AZIN2: variants seen among roughly 807,000 people sequenced by gnomAD.
The protein encoded by AZIN2 is antizyme inhibitor 2, also known as ODC antizyme inhibitor-2.
Under a neutral mutation model 47.8 loss-of-function variants are expected in AZIN2, and 28 were observed. The ratio of observed to expected loss-of-function variants is 0.59; its 90% CI spans 0.43 to 0.80. AZIN2 has a LOEUF of 0.80. AZIN2 is among the 30% of genes least tolerant of loss of function. The pLI is 0.00. For missense variants in AZIN2, 535 were observed against 582.5 expected (o/e 0.92, Z 0.84); for synonymous variants, 221 against 239.4 (o/e 0.92, Z 0.71).
At chr1:33,137,301 C>G in the AZIN2 span, among the ~76,000 whole-genome samples, 1 of 152,178 alleles carries the variant, frequency 6.6e-6, no homozygotes, top group Non-Finnish European at 1.5e-5. Flanking sequence ...TCTTAACTCT[C>G]TGGACCTTGT....
the AZIN2 span, chr1:33,147,692 G>A: frequency 3.7e-6 from 6 of 1,613,344 alleles, no homozygotes; most frequent in Non-Finnish European, 5.1e-6. The surrounding 1 kb of genome is among the most constrained non-coding windows in gnomAD (Gnocchi z 8.1). Flanking sequence ...AGGCGCTGGT[G>A]GGCTGTGCCC....
At chr1:33,112,983 A>AT (rs935761401) in intron 10 of AZIN2, among the ~76,000 whole-genome samples, 1 of 151,700 alleles carries the variant, frequency 6.6e-6, no homozygotes, top group African/African-American at 2.4e-5. Flanking sequence ...TTATTTATTT[A>AT]TTTTTTTTGA....
At chr1:33,151,511 A>G in the AZIN2 span, among the ~76,000 whole-genome samples, 7 of 152,252 alleles carry the variant, frequency 4.6e-5, no homozygotes, top group South Asian at 1.2e-3. Flanking sequence ...AAAGGGACCT[A>G]GAAGGGGCAT....
the AZIN2 span, chr1:33,146,973 A>G: frequency 3.3e-6 from 2 of 610,350 alleles, no homozygotes; most frequent in Admixed American, 6.0e-5. Context: ...TATCAAGGTC[A>G]GAGCTACAGA....
In AZIN2 at chr1:33,100,373, G is replaced by A. The variant is rs79230270; in HGVS notation, c.1029+2194G>A. ...AAAAGTTGTATGAAACATAATCCTT[G>A]GCTCAAGATATACTTCTTATTGCAC... On this transcript the variant is annotated intron_variant, in intron 10 of 11. Transcript: ENST00000294517. 3.6e-3 allele frequency among the ~76,000 whole-genome samples: 539 copies of A among 151,412 alleles called. 22 individuals are homozygous for A. In the East Asian group the frequency reaches 0.092, roughly 26 times the overall value.
intron 10 of AZIN2, among the ~76,000 whole-genome samples, chr1:33,110,241 C>T (rs1343464925): frequency 6.6e-6 from 1 of 152,196 alleles, no homozygotes; most frequent in Non-Finnish European, 1.5e-5. Context: ...TCTGAAAAAC[C>T]TTAAGCCTCA....
intron 11 of AZIN2, 103 bp from the exon 12 acceptor site, chr1:33,119,941 C>T (rs1403636000): frequency 1.5e-5 from 23 of 1,503,484 alleles, no homozygotes; most frequent in Admixed American, 3.8e-5. Context: ...CAGCTGAGCT[C>T]GGGCTCACGT....
chr1:33,098,469 A>T (rs138167650), intron 10 of AZIN2, among the ~76,000 whole-genome samples: 35 of 152,272 alleles, frequency 2.3e-4, no homozygotes, highest in African/African-American at 7.0e-4. Flanking sequence ...CTTTGACAAC[A>T]TGCTTTTGTA....
chr1:33,150,825 CT>C, the AZIN2 span, among the ~76,000 whole-genome samples: 5 of 152,210 alleles, frequency 3.3e-5, no homozygotes, highest in Middle Eastern at 3.4e-3. Context: ...TGGGCCACCC[CT>C]ATGACAGTGG....
the AZIN2 span, among the ~76,000 whole-genome samples, chr1:33,144,150 T>A: frequency 3.0e-5 from 3 of 98,612 alleles, no homozygotes; most frequent in Non-Finnish European, 4.4e-5. Context: ...TTTTTTTTTT[T>A]TTTTTGAGAC....
chr1:33,165,130 G>A, the AZIN2 span: 62 of 209,028 alleles, frequency 3.0e-4, 1 homozygote, highest in Non-Finnish European at 5.4e-4. The surrounding 1 kb of genome is among the most constrained non-coding windows in gnomAD (Gnocchi z 4.0). Flanking sequence ...AAGAGACTGA[G>A]CACATTCCCC....
chr1:33,095,323 G>A (rs898641935), intron 8 of AZIN2, among the ~76,000 whole-genome samples: 8 of 152,146 alleles, frequency 5.3e-5, no homozygotes, highest in African/African-American at 1.9e-4. Context: ...CCTAACAGAA[G>A]TCCAGTGGAC....
the AZIN2 span, chr1:33,165,528 G>T: frequency 1.2e-6 from 2 of 1,610,644 alleles, no homozygotes; most frequent in Non-Finnish European, 1.7e-6. The surrounding 1 kb of genome is among the most constrained non-coding windows in gnomAD (Gnocchi z 4.0). Flanking sequence ...GTTCCCGCTC[G>T]CTGTCTTGAA....
downstream of AZIN2, among the ~76,000 whole-genome samples, chr1:33,127,904 G>A (rs889061041): frequency 1.3e-5 from 2 of 152,052 alleles, no homozygotes; most frequent in Admixed American, 1.3e-4. Flanking sequence ...TGTGCAGTGC[G>A]TCTTAATGAC....
At chr1:33,106,141 C>A (rs1643997818) in intron 10 of AZIN2, among the ~76,000 whole-genome samples, 1 of 152,172 alleles carries the variant, frequency 6.6e-6, no homozygotes, top group South Asian at 2.1e-4. Context: ...GCATGAATAA[C>A]TATACACCAA....
intron 11 of AZIN2, 151 bp from the exon 12 acceptor site, chr1:33,119,893 T>C (rs543699890): frequency 1.8e-5 from 18 of 1,001,864 alleles, no homozygotes; most frequent in African/African-American, 4.8e-5. Context: ...TAGGAAGCAG[T>C]TGGGGAGGGG....
At chr1:33,152,028 T>C in the AZIN2 span, among the ~76,000 whole-genome samples, 1 of 152,228 alleles carries the variant, frequency 6.6e-6, no homozygotes, top group Non-Finnish European at 1.5e-5. Flanking sequence ...CCCTCAGATG[T>C]ACAGGGCAGA....
chr1:33,093,192 G>T lies in AZIN2; in HGVS notation c.453-90G>T, dbSNP rs1569979839. On this transcript the variant is annotated intron_variant, in intron 6 of 11. Transcript: ENST00000294517. ...AGCCTGTGGGGTTGGGTGGCTCTGA[G>T]CCATGTAGCTCACAGCCCTTGATTG... 2.9e-5 allele frequency: 45 copies of T among 1,565,932 alleles called. No individual in the cohort carries two copies. In the East Asian group the frequency reaches 1.0e-3, roughly 36 times the overall value.
chr1:33,133,314 T>A, the AZIN2 span, among the ~76,000 whole-genome samples: 1 of 151,646 alleles, frequency 6.6e-6, no homozygotes, highest in Non-Finnish European at 1.5e-5. Flanking sequence ...GGAAGGAGAG[T>A]TTCTCTTTTT....
Sources: allele counts gnomAD v4.1 joint callset (sites outside exome capture counted in the v4.1 genomes callset), GRCh38; gene constraint gnomAD v4.1.1; non-coding constraint Gnocchi (gnomAD v3.1); transcripts MANE v1.5; gene names NCBI Gene and HGNC (gene_info 2026-07-23, HGNC 2026-07-21).